The following SIDT1 variants were observed in gnomAD, a reference collection of about 807,000 sequenced individuals.
The protein encoded by SIDT1 is SID1 transmembrane family, member 1.
SIDT1 carries 101 observed loss-of-function variants against 107.5 expected under a neutral mutation model. That is an observed-to-expected ratio of 0.94 (90% CI 0.80 to 1.11). SIDT1 has a LOEUF of 1.11. SIDT1 is among the 50% of genes least tolerant of loss of function. The probability of loss-of-function intolerance (pLI) is 0.00; values close to 1 mark genes in which losing one functional copy is unlikely to be tolerated. For synonymous variants in SIDT1, 395 were observed against 398.2 expected, an observed-to-expected ratio of 0.99 and a Z score of 0.10; for missense variants, 1,076 against 1,058.2, an observed-to-expected ratio of 1.02 and a Z score of -0.23.
chr3:113,598,529 T>C (rs1022227733), intron 10 of SIDT1, among the ~76,000 whole-genome samples: 5 of 152,216 alleles, frequency 3.3e-5, no homozygotes, highest in Admixed American at 6.5e-5. Context: ...AAACATCATG[T>C]TGTACATCTT....
intron 14 of SIDT1, chr3:113,606,795 C>T (rs1467642396): frequency 2.7e-5 from 11 of 400,336 alleles, no homozygotes; most frequent in Non-Finnish European, 4.5e-5. Flanking sequence ...ATGAATTCCA[C>T]CTTGGGGCTG....
chr3:113,595,612 G>A (rs1222211216), intron 10 of SIDT1, among the ~76,000 whole-genome samples: 2 of 150,238 alleles, frequency 1.3e-5, no homozygotes, highest in African/African-American at 4.9e-5. Flanking sequence ...ATTGCCAAAT[G>A]TCTTTTTGGG....
chr3:113,546,189 T>A (rs538059103), intron 1 of SIDT1, among the ~76,000 whole-genome samples: 2 of 152,304 alleles, frequency 1.3e-5, no homozygotes, highest in South Asian at 4.1e-4. Flanking sequence ...GATGAGAGGA[T>A]TGCATTTTTA....
Position 113,585,233 on chromosome 3 carries a change from T to C in SIDT1, c.964T>C (p.Leu322=). The C allele has an allele frequency of 6.2e-7, 1 of 1,613,690 alleles. No homozygotes were observed. Among genetic ancestry groups the C allele is most frequent in the Non-Finnish European group, 8.5e-7 (1 of 1,179,666 alleles). ...FSVFIFLSFY[L]GCLLVGFVHY... ...TGTCTTCATCTTCCTGTCCTTCTACTTGGGATGCCTTCTTGTTGGGTTTGT... is the reference window on the plus strand; with the variant it reads ...TGTCTTCATCTTCCTGTCCTTCTACCTGGGATGCCTTCTTGTTGGGTTTGT... The change falls in exon 9 of 25, where the codon TTG becomes CTG. Residue 322 remains leucine (L), a synonymous_variant. Transcript: ENST00000264852.
In SIDT1 at chr3:113,626,996, T is replaced by C. The variant is rs1481076560; in HGVS notation, c.2422-650T>C. On this transcript the variant is annotated intron_variant, in intron 24 of 24. Coordinates refer to ENST00000264852, the MANE Select transcript of SIDT1 (RefSeq NM_017699.3). Reference sequence around the variant, plus strand: ...CAGTTTGGGAAGCTTGGCCAATCTGTATAAACAGTCCTTACGTCTTTTACT... The same window carrying C: ...CAGTTTGGGAAGCTTGGCCAATCTGCATAAACAGTCCTTACGTCTTTTACT... Among the ~76,000 whole-genome samples the C allele has an allele frequency of 2.6e-5, 4 of 152,152 alleles. No individual in the cohort carries two copies. In the South Asian group the frequency reaches 8.3e-4, roughly 32 times the overall value.
intron 21 of SIDT1, among the ~76,000 whole-genome samples, chr3:113,621,530 A>G (rs577929995): frequency 2.5e-4 from 38 of 152,342 alleles, no homozygotes; most frequent in Non-Finnish European, 4.7e-4. Flanking sequence ...TTAAATACTT[A>G]GGAATAAATT....
At position 113,604,973 on chromosome 3, in the gene SIDT1, G is replaced by T. The variant is rs765118541; in HGVS notation, c.1401G>T (p.Gln467His). 17 of 1,613,758 alleles carry T rather than the reference G, an allele frequency of 1.1e-5. No homozygotes were observed. In the East Asian group the frequency reaches 3.3e-4, roughly 32 times the overall value. Reference protein sequence around the residue: ...LPVIQLVITYQTVVNVTGNQD... With the variant: ...LPVIQLVITYHTVVNVTGNQD... ...TGATCCAGCTGGTCATTACCTATCAGACAGTAAGTGCTGCCCCAGCCCCAG... is the reference window on the plus strand; with the variant it reads ...TGATCCAGCTGGTCATTACCTATCATACAGTAAGTGCTGCCCCAGCCCCAG... The change falls in exon 14 of 25, where the codon CAG becomes CAT. Residue 467 changes from glutamine (Q) to histidine (H), a missense_variant. By Grantham distance (24) the Gln-to-His change is conservative (BLOSUM62 0). Coordinates refer to ENST00000264852, the MANE Select transcript of SIDT1 (RefSeq NM_017699.3).
chr3:113,596,678 T>G (rs1944577081), intron 10 of SIDT1, among the ~76,000 whole-genome samples: 1 of 152,212 alleles, frequency 6.6e-6, no homozygotes, highest in South Asian at 2.1e-4. Flanking sequence ...CCACTGGCTT[T>G]ATCAGAGAGA....
chr3:113,632,636 A>G (rs1207168995), downstream of SIDT1: 1 of 152,212 alleles, frequency 6.6e-6, no homozygotes, highest in East Asian at 1.9e-4. Flanking sequence ...CAGTCATGAA[A>G]TATTTGGGCT....
chr3:113,626,578 TTCC>T (rs756561839), intron 24 of SIDT1, among the ~76,000 whole-genome samples: 160 of 151,576 alleles, frequency 1.1e-3, no homozygotes, highest in African/African-American at 3.5e-3. Context: ...CATACTCACA[TTCC>T]TCCTCCTCCT....
At chr3:113,617,739 G>A (rs1452629526) in intron 20 of SIDT1, among the ~76,000 whole-genome samples, 1 of 152,192 alleles carries the variant, frequency 6.6e-6, no homozygotes, top group Non-Finnish European at 1.5e-5. Context: ...TTAATTGATA[G>A]AGGCTTCCTT....
At chr3:113,581,274 C>A in intron 5 of SIDT1, 87 bp from the exon 6 acceptor site, 1 of 1,083,548 alleles carries the variant, frequency 9.2e-7, no homozygotes, top group Non-Finnish European at 1.4e-6. Flanking sequence ...GTGATCCAAG[C>A]AGAAAGATGC....
At chr3:113,580,981 C>T (rs1943284833) in intron 5 of SIDT1, among the ~76,000 whole-genome samples, 2 of 152,124 alleles carry the variant, frequency 1.3e-5, no homozygotes, top group Non-Finnish European at 2.9e-5. Flanking sequence ...AACAAGGAAC[C>T]AGGAAGACCA....
intron 1 of SIDT1, among the ~76,000 whole-genome samples, chr3:113,546,776 C>A (rs993934904): frequency 3.3e-5 from 5 of 151,998 alleles, no homozygotes; most frequent in African/African-American, 1.2e-4. Context: ...TGGAAGATAC[C>A]AGCATTTCTT....
Position 113,627,717 on chromosome 3 carries a change from C to T in SIDT1, c.*9C>T. 2 of 1,612,914 alleles carry T rather than the reference C, an allele frequency of 1.2e-6. No individual in the cohort carries two copies. The highest frequency in any genetic ancestry group is 8.5e-7 in the Non-Finnish European group (1 of 1,179,610). On this transcript the variant is annotated 3_prime_UTR_variant, in exon 25 of 25. Transcript: ENST00000264852. Reference sequence around the variant, plus strand: ...AGATCCCTGTCTTCTGAACCTCCAACATTAAGAGAGGGGAGGGAGCGATCA... The same window carrying T: ...AGATCCCTGTCTTCTGAACCTCCAATATTAAGAGAGGGGAGGGAGCGATCA...
At chr3:113,581,288 C>A in intron 5 of SIDT1, 73 bp from the exon 6 acceptor site, 2 of 1,214,326 alleles carry the variant, frequency 1.6e-6, no homozygotes, top group Non-Finnish European at 2.4e-6. Context: ...AAGATGCTGA[C>A]AGGACCTATG....
intron 22 of SIDT1, 27 bp from the exon 23 acceptor site, chr3:113,623,596 A>G (rs757669965): frequency 6.2e-7 from 1 of 1,604,584 alleles, no homozygotes; most frequent in South Asian, 1.1e-5. Context: ...GGGTCGCGTG[A>G]GGCCGCATCT....
intron 1 of SIDT1, among the ~76,000 whole-genome samples, chr3:113,544,353 G>A (rs1939321378): frequency 6.6e-6 from 1 of 152,070 alleles, no homozygotes. Flanking sequence ...ACCACGCCCA[G>A]CTAATTTTTT....
downstream of SIDT1, among the ~76,000 whole-genome samples, chr3:113,634,505 A>C (rs1947111509): frequency 6.6e-6 from 1 of 152,074 alleles, no homozygotes; most frequent in South Asian, 2.1e-4. Flanking sequence ...AAAAATATAA[A>C]AAAGGTATGG....
Sources: gnomAD v4.1 joint callset for allele counts (sites outside exome capture counted in the v4.1 genomes callset) on GRCh38, gnomAD v4.1.1 for gene constraint, MANE v1.5 for transcripts, NCBI Gene and HGNC (gene_info 2026-07-23, HGNC 2026-07-21) for gene names.